PPM1H: variants seen among roughly 807,000 people sequenced by gnomAD.
PPM1H encodes the protein protein phosphatase 1H.
PPM1H carries 27 observed loss-of-function variants against 54.9 expected under a neutral mutation model. The ratio of observed to expected loss-of-function variants is 0.49; its 90% CI spans 0.36 to 0.68. PPM1H has a LOEUF of 0.68. Ranked by LOEUF, PPM1H falls within the 30% of genes least tolerant of loss-of-function variation. The pLI is 0.00. For missense variants in PPM1H, 596 were observed against 667.8 expected (o/e 0.89, Z 1.19); for synonymous variants, 305 against 270.8 (o/e 1.13, Z -1.24).
At chr12:62,788,146 A>G in intron 4 of PPM1H, 80 bp downstream of exon 4, 1 of 972,338 alleles carries the variant, frequency 1.0e-6, no homozygotes, top group Non-Finnish European at 1.6e-6. Flanking sequence ...AATTATTTCT[A>G]ATCATTTAAT....
At chr12:62,825,197 T>A (rs1475355006) in intron 2 of PPM1H, among the ~76,000 whole-genome samples, 1 of 152,192 alleles carries the variant, frequency 6.6e-6, no homozygotes, top group Non-Finnish European at 1.5e-5. Context: ...AGATACCATC[T>A]CACACCAGTT....
Position 62,763,615 on chromosome 12 carries a change from C to G in PPM1H, c.869+24611G>C, listed in dbSNP as rs527946810. Among the ~76,000 whole-genome samples the G allele has an allele frequency of 1.4e-4, 21 of 152,336 alleles. No individual in the cohort carries two copies. The South Asian group carries it at 4.1e-3, about 30-fold the overall frequency. ...GGGTAATTAGAACACTTGTCAAATA[C>G]AGAAAGTTGAAATCACTAATGTGAC... is the stretch of plus-strand genomic sequence containing the variant. On this transcript the variant is annotated intron_variant, in intron 4 of 9. Coordinates refer to ENST00000228705, the MANE Select transcript of PPM1H (RefSeq NM_020700.2).
chr12:62,891,747 C>T (rs1870804711), intron 1 of PPM1H, among the ~76,000 whole-genome samples: 1 of 152,050 alleles, frequency 6.6e-6, no homozygotes, highest in African/African-American at 2.4e-5. Context: ...CGAGTCTTGC[C>T]GAAAGAATTA....
intron 3 of PPM1H, among the ~76,000 whole-genome samples, chr12:62,796,932 G>A (rs1348688608): frequency 1.3e-5 from 2 of 152,124 alleles, no homozygotes; most frequent in Admixed American, 1.3e-4. Context: ...TTGATGAACA[G>A]ACCCCATCCA....
At chr12:62,892,277 G>A (rs1475176479) in intron 1 of PPM1H, among the ~76,000 whole-genome samples, 2 of 152,174 alleles carry the variant, frequency 1.3e-5, no homozygotes, top group Non-Finnish European at 2.9e-5. Context: ...CAACAGTCCT[G>A]TGTAACCTAT....
chr12:62,877,157 C>A (rs1870203488), intron 1 of PPM1H, among the ~76,000 whole-genome samples: 2 of 152,194 alleles, frequency 1.3e-5, no homozygotes, highest in South Asian at 4.1e-4. Context: ...ACTCTGGAGG[C>A]GTATTCTTGG....
At chr12:62,921,846 C>G (rs1871809321) in intron 1 of PPM1H, among the ~76,000 whole-genome samples, 1 of 152,146 alleles carries the variant, frequency 6.6e-6, no homozygotes, top group Admixed American at 6.5e-5. Context: ...AAAAAATCTC[C>G]CAAATTAAAT....
chr12:62,890,381 C>T (rs964061011), intron 1 of PPM1H, among the ~76,000 whole-genome samples: 1 of 152,094 alleles, frequency 6.6e-6, no homozygotes, highest in Non-Finnish European at 1.5e-5. Context: ...ACGCTTGAGC[C>T]TGGAAGGTCA....
At chr12:62,774,103 CTAAGT>C (rs1182437435) in intron 4 of PPM1H, among the ~76,000 whole-genome samples, 1 of 152,142 alleles carries the variant, frequency 6.6e-6, no homozygotes, top group African/African-American at 2.4e-5. Flanking sequence ...TGGCTGGATA[CTAAGT>C]TAATGGTTCC....
chr12:62,837,495 T>C (rs988322829), intron 1 of PPM1H, among the ~76,000 whole-genome samples: 1 of 152,132 alleles, frequency 6.6e-6, no homozygotes, highest in African/African-American at 2.4e-5. Context: ...ACACCAACTC[T>C]CTCTCCCTCC....
rs138671094 is a variant in PPM1H at position 62,921,095 on chromosome 12, T to C, written c.245+13397A>G. ...ACCTGCTACCACACCCAGCTAGTTT[T>C]TGTATTTTTAGTAGAGATGGGGTTT... On this transcript the variant is annotated intron_variant, in intron 1 of 9. Transcript: ENST00000228705. Among the ~76,000 whole-genome samples, 663 of 152,182 alleles carry C rather than the reference T, an allele frequency of 4.4e-3. 3 individuals are homozygous for C. The highest frequency in any genetic ancestry group is 0.02 in the Middle Eastern group (6 of 294).
At chr12:62,855,392 A>G (rs1869346080) in intron 1 of PPM1H, among the ~76,000 whole-genome samples, 1 of 152,278 alleles carries the variant, frequency 6.6e-6, no homozygotes, top group Non-Finnish European at 1.5e-5. Context: ...GGCAAACTAT[A>G]CTTCAGACAC....
Position 62,647,856 on chromosome 12 carries a change from C to T in PPM1H, c.*633G>A, listed in dbSNP as rs1364603867. ...TAGCAGGGTGTTGGAAAGTCCCAGG[C>T]CTGTTCTGTGGAAGGGGAATAAAAA... On this transcript the variant is annotated 3_prime_UTR_variant, in exon 10 of 10. Transcript: ENST00000228705. 2.0e-5 allele frequency: 3 copies of T among 148,106 alleles called. No homozygotes were observed. Among genetic ancestry groups the T allele is most frequent in the African/African-American group, 7.6e-5 (3 of 39,558 alleles). 9.2% of individuals were successfully genotyped at this position (148,106 alleles called of 1,614,324 possible). A position where few individuals can be genotyped will look rare whatever the true frequency, so the allele number is the denominator to read the frequency against.
At chr12:62,793,872 C>T (rs1241655377) in intron 3 of PPM1H, among the ~76,000 whole-genome samples, 7 of 151,844 alleles carry the variant, frequency 4.6e-5, no homozygotes, top group African/African-American at 1.7e-4. Flanking sequence ...ATAGATGATG[C>T]AACTCCAAGG....
chr12:62,852,252 G>C (rs897520511), intron 1 of PPM1H, among the ~76,000 whole-genome samples: 2 of 120,394 alleles, frequency 1.7e-5, no homozygotes, highest in Admixed American at 1.7e-4. Flanking sequence ...AAAAAAAAAA[G>C]AGATGGGGCT....
intron 3 of PPM1H, among the ~76,000 whole-genome samples, chr12:62,795,971 T>A (rs543098089): frequency 1.3e-5 from 2 of 151,422 alleles, no homozygotes; most frequent in Non-Finnish European, 3.0e-5. Context: ...TCAAGTGATC[T>A]GCCCACCTGG....
intron 1 of PPM1H, among the ~76,000 whole-genome samples, chr12:62,888,118 T>C (rs901493164): frequency 2.0e-5 from 3 of 152,102 alleles, no homozygotes; most frequent in Non-Finnish European, 2.9e-5. Flanking sequence ...AGGATGATTA[T>C]GGCATATGTT....
intron 1 of PPM1H, among the ~76,000 whole-genome samples, chr12:62,882,341 G>A (rs1275739948): frequency 6.6e-6 from 1 of 152,262 alleles, no homozygotes; most frequent in Non-Finnish European, 1.5e-5. Context: ...CCTGTGTGGT[G>A]AGAGGTATAA....
chr12:62,785,882 GA>G (rs1414089090), intron 4 of PPM1H, among the ~76,000 whole-genome samples: 2 of 150,912 alleles, frequency 1.3e-5, no homozygotes, highest in African/African-American at 2.4e-5. Flanking sequence ...AAAAAAGAGA[GA>G]AAAAGGCACT....
Sources: gnomAD v4.1 joint callset for allele counts (sites outside exome capture counted in the v4.1 genomes callset) on GRCh38, gnomAD v4.1.1 for gene constraint, MANE v1.5 for transcripts, NCBI Gene and HGNC (gene_info 2026-07-23, HGNC 2026-07-21) for gene names.